The following MEOX2 variants were observed in gnomAD, a reference collection of about 807,000 sequenced individuals.
MEOX2 encodes the protein homeobox protein MOX-2.
In MEOX2, 11 loss-of-function variants were observed where a neutral mutation model predicts 27.0. The ratio of observed to expected loss-of-function variants is 0.41; its 90% CI spans 0.26 to 0.68. MEOX2 has a LOEUF of 0.68. Ranked by LOEUF, MEOX2 falls within the 30% of genes least tolerant of loss-of-function variation. The probability of loss-of-function intolerance (pLI) is 0.33; values close to 1 mark genes in which losing one functional copy is unlikely to be tolerated. For synonymous variants in MEOX2, 189 were observed against 155.4 expected, an observed-to-expected ratio of 1.22 and a Z score of -1.61; for missense variants, 436 against 385.4, an observed-to-expected ratio of 1.13 and a Z score of -1.10.
intron 2 of MEOX2, among the ~76,000 whole-genome samples, chr7:15,622,384 AG>A (rs953986377): frequency 5.3e-5 from 8 of 152,130 alleles, no homozygotes; most frequent in African/African-American, 1.9e-4. Context: ...ATATAAAATG[AG>A]CCTATAAGTC....
At chr7:15,657,588 A>T (rs1583774407) in intron 1 of MEOX2, among the ~76,000 whole-genome samples, 1 of 151,914 alleles carries the variant, frequency 6.6e-6, no homozygotes, top group Admixed American at 6.6e-5. Context: ...CTTTGCTGAG[A>T]TGTTCTATTT....
At chr7:15,635,826 C>T (rs538777176) in intron 1 of MEOX2, among the ~76,000 whole-genome samples, 9 of 151,992 alleles carry the variant, frequency 5.9e-5, no homozygotes, top group Admixed American at 1.3e-4. Context: ...AATGTACAAA[C>T]GAAGCTGAAA....
At chr7:15,643,703 A>G (rs1012217441) in intron 1 of MEOX2, among the ~76,000 whole-genome samples, 5 of 152,194 alleles carry the variant, frequency 3.3e-5, no homozygotes, top group African/African-American at 1.2e-4. Context: ...TTACAGTTTC[A>G]TGAAGGGAGG....
chr7:15,627,050 A>T (rs1364204551), intron 1 of MEOX2, 132 bp from the exon 2 acceptor site: 2 of 761,160 alleles, frequency 2.6e-6, no homozygotes, highest in Non-Finnish European at 2.0e-6. Context: ...GACCAAAGAC[A>T]GCAAGACTGA....
chr7:15,661,635 G>A (rs1015528093), intron 1 of MEOX2, among the ~76,000 whole-genome samples: 4 of 152,100 alleles, frequency 2.6e-5, no homozygotes, highest in African/African-American at 4.8e-5. Context: ...TTCTTGATGC[G>A]TTTTCCTTTT....
At chr7:15,674,363 G>C (rs1422893611) in intron 1 of MEOX2, among the ~76,000 whole-genome samples, 4 of 152,082 alleles carry the variant, frequency 2.6e-5, no homozygotes, top group African/African-American at 7.2e-5. Flanking sequence ...TTAAGTGCAA[G>C]AGACCTGAAA....
intron 1 of MEOX2, among the ~76,000 whole-genome samples, chr7:15,641,230 C>T (rs186237388): frequency 3.8e-4 from 58 of 152,186 alleles, no homozygotes; most frequent in African/African-American, 1.1e-3. Flanking sequence ...ATTTCAATGT[C>T]TTCCTGGTTC....
chr7:15,675,727 C>G (rs1279067572), intron 1 of MEOX2, among the ~76,000 whole-genome samples: 2 of 152,152 alleles, frequency 1.3e-5, no homozygotes, highest in African/African-American at 4.8e-5. Flanking sequence ...ATTAAGAAAA[C>G]TTTGACAAAT....
At chr7:15,622,301 A>G (rs912546735) in intron 2 of MEOX2, among the ~76,000 whole-genome samples, 1 of 152,116 alleles carries the variant, frequency 6.6e-6, no homozygotes, top group Non-Finnish European at 1.5e-5. Context: ...ATGTGTTTGC[A>G]TATGTGTATA....
At chr7:15,640,654 T>A (rs1414364166) in intron 1 of MEOX2, among the ~76,000 whole-genome samples, 1 of 152,120 alleles carries the variant, frequency 6.6e-6, no homozygotes, top group Non-Finnish European at 1.5e-5. Context: ...ATGATGTTAG[T>A]TGTGGGTTTG....
At chr7:15,635,790 A>G (rs1781471093) in intron 1 of MEOX2, among the ~76,000 whole-genome samples, 1 of 152,008 alleles carries the variant, frequency 6.6e-6, no homozygotes, top group African/African-American at 2.4e-5. Context: ...TGGGCCCCTA[A>G]AAGTATCTAT....
At chr7:15,638,168 ATCC>A (rs1781512862) in intron 1 of MEOX2, among the ~76,000 whole-genome samples, 1 of 152,114 alleles carries the variant, frequency 6.6e-6, no homozygotes, top group African/African-American at 2.4e-5. Flanking sequence ...AAGATCCACA[ATCC>A]TCATAATTTC....
chr7:15,630,211 C>T (rs1781380374), intron 1 of MEOX2, among the ~76,000 whole-genome samples: 3 of 152,046 alleles, frequency 2.0e-5, no homozygotes, highest in South Asian at 2.1e-4. Context: ...AGTTCCCTAA[C>T]CTTTTGCTCC....
intron 1 of MEOX2, among the ~76,000 whole-genome samples, chr7:15,645,725 A>G (rs58690373): frequency 0.026 from 3,909 of 152,268 alleles, 166 homozygotes; most frequent in African/African-American, 0.088. Context: ...ATTTTTAAGT[A>G]CTGGACAATG....
chr7:15,624,557 C>T (rs1231940351), intron 2 of MEOX2, among the ~76,000 whole-genome samples: 1 of 152,082 alleles, frequency 6.6e-6, no homozygotes, highest in East Asian at 1.9e-4. Flanking sequence ...CCTGGGAATG[C>T]TTCTATCACC....
At chr7:15,661,012 CAAAAAAAAA>C (rs71004402) in intron 1 of MEOX2, among the ~76,000 whole-genome samples, 39 of 44,338 alleles carry the variant, frequency 8.8e-4, no homozygotes, top group South Asian at 5.4e-3. Flanking sequence ...GACTCAGTCT[CAAAAAAAAA>C]AAAAAAAAAA....
At chr7:15,656,932 T>C (rs1781830197) in intron 1 of MEOX2, among the ~76,000 whole-genome samples, 1 of 152,108 alleles carries the variant, frequency 6.6e-6, no homozygotes, top group Admixed American at 6.5e-5. Context: ...ATGATCTCCC[T>C]GTCATTCCTG....
intron 1 of MEOX2, chr7:15,677,518 G>C (rs567010062): frequency 1.3e-5 from 2 of 152,276 alleles, no homozygotes; most frequent in Admixed American, 1.3e-4. Flanking sequence ...TTGATCAATG[G>C]AAGCAACAAA....
At chr7:15,641,563 T>C (rs1437230110) in intron 1 of MEOX2, among the ~76,000 whole-genome samples, 2 of 152,156 alleles carry the variant, frequency 1.3e-5, no homozygotes, top group African/African-American at 4.8e-5. Context: ...GTTTTTTACA[T>C]CCAGTTTGCC....
Sources: gnomAD v4.1 joint callset for allele counts (sites outside exome capture counted in the v4.1 genomes callset) on GRCh38, gnomAD v4.1.1 for gene constraint, MANE v1.5 for transcripts, NCBI Gene and HGNC (gene_info 2026-07-23, HGNC 2026-07-21) for gene names.